The following ACCS variants were observed in gnomAD, a reference collection of about 807,000 sequenced individuals.
ACCS encodes the protein 1-aminocyclopropane-1-carboxylate synthase homolog (inactive).
A neutral mutation model predicts 59.8 loss-of-function variants in ACCS; 42 were observed. The observed-to-expected ratio is 0.70, with a 90% CI of 0.55 to 0.91. The LOEUF (loss-of-function observed/expected upper bound fraction) is 0.91, where lower values mean the gene tolerates loss of function less well. Among genes scored for constraint, ACCS ranks in the 40% least tolerant of loss-of-function variants. The probability of loss-of-function intolerance (pLI) is 0.00; values close to 1 mark genes in which losing one functional copy is unlikely to be tolerated. For synonymous variants in ACCS, 230 were observed against 240.3 expected, an observed-to-expected ratio of 0.96 and a Z score of 0.40; for missense variants, 602 against 630.4, an observed-to-expected ratio of 0.95 and a Z score of 0.48.
At chr11:44,074,493 C>T (rs1307629377) in intron 4 of ACCS, 119 bp from the exon 5 acceptor site, 7 of 785,146 alleles carry the variant, frequency 8.9e-6, no homozygotes, top group Non-Finnish European at 8.9e-6. Context: ...ACCCACACCC[C>T]ATCATGGGAA....
chr11:44,079,555 TGAG>T lies in ACCS; in HGVS notation c.860_862del (p.Glu287del). On this transcript the variant is annotated inframe_deletion, in exon 10 of 15. Transcript: ENST00000263776. ...GGCACAGGCTGCATGTGATTGTGGA[TGAG>T]GTCTACATGCTGTCCGTGTTTGAGA... The T allele has an allele frequency of 6.2e-7, 1 of 1,611,872 alleles. No individual in the cohort carries two copies.
Position 44,081,284 on chromosome 11 carries a change from G to T in ACCS, c.1075G>T (p.Val359Phe). Residue 359 changes from valine to phenylalanine, a missense_variant, in exon 12 of 15, where the codon GTC becomes TTC. Val to Phe is a conservative substitution (Grantham distance 50). Transcript: ENST00000263776. ...CCGCTACCACGGCCTCAGTGGCTTG[G>T]TCCAGTACCAGATGGCACAGCTGCT... ...LCRYHGLSGL[V>F]QYQMAQLLRD... 1 of 1,614,266 alleles carries T rather than the reference G, an allele frequency of 6.2e-7. No homozygotes were observed. Among genetic ancestry groups the T allele is most frequent in the Non-Finnish European group, 8.5e-7 (1 of 1,180,054 alleles).
chr11:44,066,557 G>C lies in ACCS; in HGVS notation c.-145G>C, dbSNP rs928943433. The C allele has an allele frequency of 6.6e-6, 1 of 152,284 alleles. No individual in the cohort carries two copies. Among genetic ancestry groups the C allele is most frequent in the Non-Finnish European group, 1.5e-5 (1 of 68,072 alleles). The allele number at this position is 152,284 out of a possible 1,614,324, so 9.4% of individuals were successfully genotyped here. On this transcript the variant is annotated 5_prime_UTR_variant, in exon 1 of 15. Coordinates refer to ENST00000263776, the MANE Select transcript of ACCS (RefSeq NM_032592.4). ...GATTCCAAGGCCTCATCGAGTGCGG[G>C]TATCTGGCTGTGGATTCGCCGCCGT...
At chr11:44,073,139 T>C (rs963037397) in intron 3 of ACCS, among the ~76,000 whole-genome samples, 1 of 152,164 alleles carries the variant, frequency 6.6e-6, no homozygotes, top group African/African-American at 2.4e-5. Context: ...GTTAATACTT[T>C]TGCAAACCCA....
rs1165979626 is a variant in ACCS, at chr11:44,083,561, C to T, written c.1392C>T (p.Val464=). The part of the protein sequence containing the change: ...GWFRFVFSDQ[V]HRLCLGMQRV... ...TTCGCTTTGTCTTCTCAGACCAGGTCCACCGGCTTTGCCTGGGTGAGCAGC... is the reference window on the plus strand; with the variant it reads ...TTCGCTTTGTCTTCTCAGACCAGGTTCACCGGCTTTGCCTGGGTGAGCAGC... Residue 464 remains valine (V), a synonymous_variant, in exon 14 of 15, where the codon GTC becomes GTT. Transcript: ENST00000263776. 1.2e-6 allele frequency: 2 copies of T among 1,614,244 alleles called. No individual in the cohort carries two copies. Among genetic ancestry groups the T allele is most frequent in the Non-Finnish European group, 1.7e-6 (2 of 1,180,042 alleles).
intron 6 of ACCS, among the ~76,000 whole-genome samples, 200 bp from the exon 7 acceptor site, chr11:44,077,079 G>A (rs1425532488): frequency 6.6e-6 from 1 of 152,194 alleles, no homozygotes; most frequent in Non-Finnish European, 1.5e-5. Context: ...AGATTTGGGT[G>A]GGGACACAGC....
At position 44,083,845 on chromosome 11, in the gene ACCS, C is replaced by T. The variant is rs951976681; in HGVS notation, c.*53C>T. 81 of 1,554,224 alleles carry T rather than the reference C, an allele frequency of 5.2e-5. No individual in the cohort carries two copies. The highest frequency in any genetic ancestry group is 1.4e-4 in the Admixed American group (7 of 51,358). ...CCCAGCAGCCACTGTGGACCTGGGGCGTTCTGGGGCTGCAGAAGACTGACT... is the reference window on the plus strand; with the variant it reads ...CCCAGCAGCCACTGTGGACCTGGGGTGTTCTGGGGCTGCAGAAGACTGACT... On this transcript the variant is annotated 3_prime_UTR_variant, in exon 15 of 15. Transcript: ENST00000263776.
chr11:44,070,878 C>A (rs1217157707), intron 2 of ACCS, among the ~76,000 whole-genome samples: 2 of 152,210 alleles, frequency 1.3e-5, no homozygotes, highest in East Asian at 3.8e-4. Flanking sequence ...CAGCACACAT[C>A]TGTCCTTCAG....
At chr11:44,073,984 G>C (rs1261871686) in intron 4 of ACCS, among the ~76,000 whole-genome samples, 6 of 152,182 alleles carry the variant, frequency 3.9e-5, no homozygotes, top group African/African-American at 1.4e-4. Flanking sequence ...ACACTTGCTT[G>C]TGGACACTGT....
intron 9 of ACCS, 35 bp from the exon 10 acceptor site, chr11:44,079,496 C>T: frequency 1.3e-6 from 2 of 1,574,190 alleles, no homozygotes; most frequent in Non-Finnish European, 1.7e-6. Flanking sequence ...GCCCTACACA[C>T]TAAGTCTCTC....
chr11:44,068,621 A>C (rs1952902562), intron 2 of ACCS, among the ~76,000 whole-genome samples: 2 of 152,186 alleles, frequency 1.3e-5, no homozygotes, highest in African/African-American at 4.8e-5. Context: ...ACAACAAACA[A>C]ACAAAAATAA....
chr11:44,067,772 G>T lies in ACCS; in HGVS notation c.145G>T (p.Gly49Ter). ...GGACCAGAAGCTGCCAGAGCTCCGT[G>T]GAGTGGGTGATCCTGCCATGATCTC... ...KLDQKLPELR[G>*]VGDPAMISSD... The change falls in exon 2 of 15, where the codon GGA (glycine) becomes TGA (stop). Residue 49 changes from glycine (G) to a stop codon, truncating the protein, a stop_gained. Coordinates refer to ENST00000263776, the MANE Select transcript of ACCS (RefSeq NM_032592.4). LOFTEE classifies it high-confidence loss of function. 1 of 1,614,188 alleles carries T rather than the reference G, an allele frequency of 6.2e-7. No homozygotes were observed. Among genetic ancestry groups the T allele is most frequent in the East Asian group, 2.2e-5 (1 of 44,884 alleles).
At position 44,070,542 on chromosome 11, in the gene ACCS, C is replaced by T. The variant is rs183043100; in HGVS notation, c.289-714C>T. Among the ~76,000 whole-genome samples the T allele has an allele frequency of 5.8e-4, 88 of 152,298 alleles. 1 individual carries two copies. Among genetic ancestry groups the T allele is most frequent in the African/African-American group, 2.1e-3 (87 of 41,560 alleles). ...TTACTTTTTCATCTTCCTTCCTTCA[C>T]TCCCCCTGCAGTAACTCAGGGGTCA... On this transcript the variant is annotated intron_variant, in intron 2 of 14. Transcript: ENST00000263776.
Position 44,072,583 on chromosome 11 carries a change from C to G in ACCS, c.349-864C>G, listed in dbSNP as rs553282012. Among the ~76,000 whole-genome samples the G allele has an allele frequency of 2.0e-5, 3 of 151,864 alleles. No individual in the cohort carries two copies. The East Asian group carries it at 5.8e-4, about 29-fold the overall frequency. ...TTCTATTAAAAAAAATAAAAAGATGCCAGGTAAAAACTAATTTTAATAATA... is the reference window on the plus strand; with the variant it reads ...TTCTATTAAAAAAAATAAAAAGATGGCAGGTAAAAACTAATTTTAATAATA... On this transcript the variant is annotated intron_variant, in intron 3 of 14. Transcript: ENST00000263776.
intron 12 of ACCS, 142 bp from the exon 13 acceptor site, chr11:44,083,027 T>G (rs1953709235): frequency 8.8e-7 from 1 of 1,134,648 alleles, no homozygotes; most frequent in Non-Finnish European, 1.3e-6. Flanking sequence ...TTCGTAATCC[T>G]TCCCACCACA....
At chr11:44,076,504 A>G (rs1953367472) in intron 6 of ACCS, among the ~76,000 whole-genome samples, 1 of 152,224 alleles carries the variant, frequency 6.6e-6, no homozygotes, top group Admixed American at 6.5e-5. Flanking sequence ...TGAAAGAGAG[A>G]TTCATTGTAA....
At chr11:44,069,253 C>T (rs909490673) in intron 2 of ACCS, among the ~76,000 whole-genome samples, 16 of 150,842 alleles carry the variant, frequency 1.1e-4, no homozygotes, top group African/African-American at 3.2e-4. Flanking sequence ...GACGGAGTCT[C>T]GCTGTGACAC....
Position 44,077,287 on chromosome 11 carries a change from C to T in ACCS, c.565C>T (p.Leu189=). ...TVLCEAGEAF[L]IPTPYYGAIT... is the part of the protein sequence containing the mutation. ...CCCACTCCTGCCCCCAGAGGCTTTC[C>T]TGATCCCCACCCCTTACTATGGCGC... The change falls in exon 7 of 15, where the codon CTG becomes TTG. Residue 189 remains leucine, a synonymous_variant. Transcript: ENST00000263776. 3 of 1,613,996 alleles carry T rather than the reference C, an allele frequency of 1.9e-6. No individual in the cohort carries two copies. In the African/African-American group the frequency reaches 4.0e-5, roughly 22 times the overall value.
At chr11:44,066,932 A>G (rs571449544) in intron 1 of ACCS, among the ~76,000 whole-genome samples, 1 of 152,322 alleles carries the variant, frequency 6.6e-6, no homozygotes, top group South Asian at 2.1e-4. Context: ...TATTGTCACT[A>G]ACATATATAT....
Sources: allele counts gnomAD v4.1 joint callset (sites outside exome capture counted in the v4.1 genomes callset), GRCh38; gene constraint gnomAD v4.1.1; transcripts MANE v1.5; gene names NCBI Gene and HGNC (gene_info 2026-07-23, HGNC 2026-07-21).